CPQ: variants seen among roughly 807,000 people sequenced by gnomAD.
CPQ encodes the protein carboxypeptidase Q.
CPQ carries 37 observed loss-of-function variants against 45.7 expected under a neutral mutation model. The observed-to-expected ratio is 0.81, with a 90% confidence interval of 0.62 to 1.07. The LOEUF is 1.07. Ranked by LOEUF, CPQ falls within the 50% of genes least tolerant of loss-of-function variation. The probability of loss-of-function intolerance (pLI) is 0.00; values close to 1 mark genes in which losing one functional copy is unlikely to be tolerated. For synonymous variants in CPQ, 186 were observed against 205.8 expected (o/e 0.90, Z 0.82); for missense variants, 537 against 572.9 (o/e 0.94, Z 0.64).
chr8:96,885,755 G>A (rs1292021613), intron 4 of CPQ, among the ~76,000 whole-genome samples: 3 of 152,180 alleles, frequency 2.0e-5, no homozygotes, highest in Admixed American at 6.5e-5. Context: ...CAGGGAGGCC[G>A]AGGCGGGCAG....
intron 4 of CPQ, among the ~76,000 whole-genome samples, chr8:96,887,863 T>C (rs1176471058): frequency 6.6e-6 from 1 of 152,226 alleles, no homozygotes; most frequent in Non-Finnish European, 1.5e-5. Context: ...GCCTTTTTCT[T>C]ACAGCAGTTA....
rs192822195 is a variant in CPQ, at chr8:97,089,258, A to G, written c.1255+23048A>G. 1.7e-3 allele frequency among the ~76,000 whole-genome samples: 251 copies of G among 151,456 alleles called. 3 individuals carry two copies. Among genetic ancestry groups the G allele is most frequent in the Admixed American group, 0.013 (193 of 15,200 alleles). On this transcript the variant is annotated intron_variant, in intron 7 of 7. Transcript: ENST00000220763. ...AGCTCAGTCTCAAAAAAAAAAAAAA[A>G]AGAGAAAAGAAAAGAAAAGAAAATT...
At chr8:96,980,690 C>T (rs1813877869) in intron 5 of CPQ, among the ~76,000 whole-genome samples, 1 of 152,138 alleles carries the variant, frequency 6.6e-6, no homozygotes, top group Admixed American at 6.5e-5. Flanking sequence ...TCAGCTTGGT[C>T]AGGGGAATCC....
At chr8:96,943,667 A>G (rs550125214) in intron 4 of CPQ, among the ~76,000 whole-genome samples, 2 of 152,252 alleles carry the variant, frequency 1.3e-5, no homozygotes, top group East Asian at 3.9e-4. Flanking sequence ...AGAAACCTCC[A>G]TTTTCAAAAG....
intron 7 of CPQ, among the ~76,000 whole-genome samples, chr8:97,109,803 A>C (rs1191125154): frequency 6.6e-6 from 1 of 151,608 alleles, no homozygotes; most frequent in African/African-American, 2.4e-5. Flanking sequence ...CTTTACCTCC[A>C]TTCCCCACAT....
intron 1 of CPQ, among the ~76,000 whole-genome samples, chr8:96,782,484 T>C (rs1244354469): frequency 1.3e-5 from 2 of 152,168 alleles, no homozygotes; most frequent in African/African-American, 4.8e-5. Flanking sequence ...AACTTTGCCC[T>C]CAAGATTCTA....
chr8:96,837,476 A>G (rs1015031109), intron 3 of CPQ, among the ~76,000 whole-genome samples: 3 of 152,046 alleles, frequency 2.0e-5, no homozygotes, highest in African/African-American at 7.2e-5. Context: ...TTTGGCTTCC[A>G]TGACTTCTTT....
intron 6 of CPQ, among the ~76,000 whole-genome samples, chr8:97,038,480 T>G (rs1338290780): frequency 6.6e-6 from 1 of 152,186 alleles, no homozygotes; most frequent in Non-Finnish European, 1.5e-5. Context: ...CACACCAGGA[T>G]GCACAAATCT....
At chr8:97,139,150 C>T (rs568801935) in intron 7 of CPQ, among the ~76,000 whole-genome samples, 1 of 152,220 alleles carries the variant, frequency 6.6e-6, no homozygotes, top group African/African-American at 2.4e-5. Flanking sequence ...AAAAACTGGA[C>T]TTCCAGAACA....
intron 2 of CPQ, among the ~76,000 whole-genome samples, chr8:96,791,285 A>T (rs185602422): frequency 6.6e-5 from 10 of 152,258 alleles, no homozygotes; most frequent in Non-Finnish European, 4.4e-5. Context: ...CATTTATAAG[A>T]TTACTATTTT....
chr8:97,093,297 T>C (rs1811155239), intron 7 of CPQ, among the ~76,000 whole-genome samples: 1 of 152,174 alleles, frequency 6.6e-6, no homozygotes, highest in African/African-American at 2.4e-5. Flanking sequence ...ACCTACCACT[T>C]GACCCAGCAA....
Position 96,811,964 on chromosome 8 carries a change from GA to G in CPQ, c.434-23006del, listed in dbSNP as rs953939172. Among the ~76,000 whole-genome samples the G allele has an allele frequency of 2.9e-4, 44 of 152,116 alleles. 1 individual carries two copies. The highest frequency in any genetic ancestry group is 5.9e-5 in the Non-Finnish European group (4 of 68,018). On this transcript the variant is annotated intron_variant, in intron 2 of 7. Coordinates refer to ENST00000220763, the MANE Select transcript of CPQ (RefSeq NM_016134.4). The stretch of plus-strand genomic sequence containing the variant: ...AATGTTTGTTTATGGGCTTTATTTA[GA>G]AATCCACATTAGTGATTCTGACATT...
chr8:96,870,083 C>CAAAA (rs1812046735), intron 3 of CPQ, among the ~76,000 whole-genome samples: 1 of 151,920 alleles, frequency 6.6e-6, no homozygotes, highest in Admixed American at 6.6e-5. Flanking sequence ...GAAGAATATA[C>CAAAA]AAAATATGGG....
intron 6 of CPQ, among the ~76,000 whole-genome samples, chr8:97,036,064 C>A (rs1263204577): frequency 1.3e-5 from 2 of 152,162 alleles, no homozygotes; most frequent in Non-Finnish European, 2.9e-5. Flanking sequence ...AGACCAAAGG[C>A]CTTTTTACCC....
At chr8:96,786,618 T>G (rs1474451718) in intron 2 of CPQ, among the ~76,000 whole-genome samples, 1 of 152,186 alleles carries the variant, frequency 6.6e-6, no homozygotes, top group East Asian at 1.9e-4. Flanking sequence ...TTTTCTGAAG[T>G]GGCTGCACAG....
At chr8:96,923,024 C>T (rs1306990847) in intron 4 of CPQ, among the ~76,000 whole-genome samples, 3 of 152,204 alleles carry the variant, frequency 2.0e-5, no homozygotes, top group African/African-American at 7.2e-5. Context: ...ATGGAGACAA[C>T]TCCTCAACAT....
chr8:97,120,161 G>A (rs1404258809), intron 7 of CPQ, among the ~76,000 whole-genome samples: 1 of 152,122 alleles, frequency 6.6e-6, no homozygotes, highest in Non-Finnish European at 1.5e-5. Context: ...CAAACCTCTA[G>A]GGAGGATCTC....
At chr8:96,856,545 C>T (rs60403099) in intron 3 of CPQ, among the ~76,000 whole-genome samples, 3,856 of 152,274 alleles carry the variant, frequency 0.025, 68 homozygotes, top group African/African-American at 0.033. Context: ...TCTTGCTTAT[C>T]GTGTTCACTG....
chr8:97,120,651 G>A (rs1261365610), intron 7 of CPQ, among the ~76,000 whole-genome samples: 1 of 152,202 alleles, frequency 6.6e-6, no homozygotes, highest in East Asian at 1.9e-4. Flanking sequence ...AATCCCCTTA[G>A]ATCTTATGAT....
Sources: gnomAD v4.1 joint callset for allele counts (sites outside exome capture counted in the v4.1 genomes callset) on GRCh38, gnomAD v4.1.1 for gene constraint, MANE v1.5 for transcripts, NCBI Gene and HGNC (gene_info 2026-07-23, HGNC 2026-07-21) for gene names.